Variants in CASK observed in about 807,000 individuals in gnomAD.
CASK encodes peripheral plasma membrane protein CASK.
CASK carries 4 observed loss-of-function variants against 82.9 expected under a neutral mutation model. That is an observed-to-expected ratio of 0.05 (90% CI 0.02 to 0.11). CASK has a LOEUF of 0.11. CASK is among the 10% of genes least tolerant of loss of function. CASK has a pLI of 1.00. For synonymous variants in CASK, 259 were observed against 253.5 expected (o/e 1.02, Z -0.20); for missense variants, 358 against 720.9 (o/e 0.50, Z 5.76).
At chrX:41,785,825 G>A (rs1469273775) in intron 3 of CASK, among the ~76,000 whole-genome samples, 1 of 111,855 alleles carries the variant, frequency 8.9e-6, no homozygotes, top group African/African-American at 3.3e-5. Flanking sequence ...TTGTGTATAG[G>A]CTGGATCTAG....
intron 1 of CASK, among the ~76,000 whole-genome samples, chrX:41,917,717 C>CAAACAACACACCCTA (rs2072717381): frequency 8.9e-6 from 1 of 111,878 alleles, no homozygotes. Context: ...AAGACAACTT[C>CAAACAACACACCCTA]AAACAACACA....
rs148918609 is a variant in CASK, at chrX:41,875,574, G to C, written c.60-22347C>G. On this transcript the variant is annotated intron_variant, in intron 1 of 26. Transcript: ENST00000378163. ...GATGTTAAGAACAATATAAAGGTTG[G>C]GGGTGGGGATTGGTGGAGAGGACTG... Among the ~76,000 whole-genome samples, 759 of 110,955 alleles carry C rather than the reference G, an allele frequency of 6.8e-3. 2 individuals are homozygous for C. Among genetic ancestry groups the C allele is most frequent in the Middle Eastern group, 0.023 (5 of 217 alleles).
chrX:41,867,215 T>C (rs2071607291), intron 1 of CASK, among the ~76,000 whole-genome samples: 1 of 112,103 alleles, frequency 8.9e-6, no homozygotes, highest in Non-Finnish European at 1.9e-5. Flanking sequence ...AAACTAGTTC[T>C]CTGAAGGCAG....
At chrX:41,683,306 T>C (rs1485831664) in intron 5 of CASK, 2 of 111,565 alleles carry the variant, frequency 1.8e-5, no homozygotes, top group African/African-American at 6.5e-5. Flanking sequence ...CTTAAGCAAG[T>C]TGGTGGTACC....
chrX:41,780,567 C>A (rs754580000), intron 3 of CASK, among the ~76,000 whole-genome samples: 1 of 111,947 alleles, frequency 8.9e-6, no homozygotes, highest in African/African-American at 3.2e-5. Context: ...ATCTAAAATT[C>A]TGGTTTTGTG....
intron 1 of CASK, among the ~76,000 whole-genome samples, chrX:41,853,708 C>T (rs771812734): frequency 9.0e-6 from 1 of 111,619 alleles, no homozygotes; most frequent in Admixed American, 9.5e-5. Context: ...ATCTCTTGAA[C>T]CTGTCCTCTT....
intron 9 of CASK, among the ~76,000 whole-genome samples, chrX:41,631,135 C>A (rs2066459473): frequency 9.0e-6 from 1 of 111,458 alleles, no homozygotes; most frequent in Admixed American, 9.6e-5. Context: ...AAAAATGAGA[C>A]TTGTAAGTGT....
At chrX:41,601,112 G>C (rs936430644) in intron 12 of CASK, among the ~76,000 whole-genome samples, 1 of 111,404 alleles carries the variant, frequency 9.0e-6, no homozygotes, top group Non-Finnish European at 1.9e-5. Flanking sequence ...GGGTGAATGG[G>C]AGTCAGTATT....
intron 1 of CASK, among the ~76,000 whole-genome samples, chrX:41,886,700 T>A (rs1220836279): frequency 2.7e-5 from 3 of 111,876 alleles, no homozygotes; most frequent in Non-Finnish European, 5.7e-5. Flanking sequence ...CAAAACATTC[T>A]GGCCAGATGA....
chrX:41,768,266 A>T (rs1456237153), intron 3 of CASK, among the ~76,000 whole-genome samples: 1 of 111,153 alleles, frequency 9.0e-6, no homozygotes. Context: ...AGAATTTATA[A>T]TCATTTTTCC....
At position 41,875,011 on chromosome X, in the gene CASK, T is replaced by C. The variant is rs192979709; in HGVS notation, c.60-21784A>G. Among the ~76,000 whole-genome samples the C allele has an allele frequency of 1.5e-3, 173 of 112,578 alleles. 1 individual carries two copies. Among genetic ancestry groups the C allele is most frequent in the African/African-American group, 5.3e-3 (166 of 31,051 alleles). On this transcript the variant is annotated intron_variant, in intron 1 of 26. Coordinates refer to ENST00000378163, the MANE Select transcript of CASK (RefSeq NM_001367721.1). ...TGATTCAAATACACAATGCTTAATG[T>C]TTATCAATCTTAATAAAACATTACA... is the stretch of plus-strand genomic sequence containing the variant.
At chrX:41,914,062 T>A (rs2072629197) in intron 1 of CASK, among the ~76,000 whole-genome samples, 2 of 112,405 alleles carry the variant, frequency 1.8e-5, no homozygotes, top group African/African-American at 6.5e-5. Flanking sequence ...TGTAACTGAA[T>A]GAATATCATC....
intron 3 of CASK, among the ~76,000 whole-genome samples, chrX:41,770,409 GCTAT>G (rs1255173312): frequency 4.6e-5 from 5 of 109,443 alleles, no homozygotes; most frequent in Non-Finnish European, 9.5e-5. Flanking sequence ...TGGCTGGCTG[GCTAT>G]CTATCTATTT....
chrX:41,592,787 T>G (rs1040556648), intron 12 of CASK, among the ~76,000 whole-genome samples: 2 of 112,002 alleles, frequency 1.8e-5, no homozygotes, highest in Admixed American at 9.5e-5. Flanking sequence ...GTCTAAGCTC[T>G]TAACATATAC....
At chrX:41,889,408 G>A (rs1190555476) in intron 1 of CASK, among the ~76,000 whole-genome samples, 2 of 110,097 alleles carry the variant, frequency 1.8e-5, no homozygotes, top group Non-Finnish European at 3.8e-5. Context: ...TAGTGATGTT[G>A]AGCATTTTTT....
At position 41,827,371 on chromosome X, in the gene CASK, G is replaced by A. The variant is rs188464668; in HGVS notation, c.172+25744C>T. ...TTCTCATGGGTCTAGAAACTGGGAA[G>A]TCCAAGATCAAGGTACCAGCAGATC... On this transcript the variant is annotated intron_variant, in intron 2 of 26. Coordinates refer to ENST00000378163, the MANE Select transcript of CASK (RefSeq NM_001367721.1). 5.2e-3 allele frequency among the ~76,000 whole-genome samples: 577 copies of A among 111,807 alleles called. 4 individuals are homozygous for A. Among genetic ancestry groups the A allele is most frequent in the Middle Eastern group, 0.019 (4 of 216 alleles).
chrX:41,810,149 A>T (rs1172624277), intron 2 of CASK, among the ~76,000 whole-genome samples: 1 of 112,413 alleles, frequency 8.9e-6, no homozygotes, highest in African/African-American at 3.2e-5. Flanking sequence ...AGTGGAACCA[A>T]GTTGGAAAAC....
At chrX:41,586,872 G>A in intron 14 of CASK, 35 bp downstream of exon 14, 1 of 890,212 alleles carries the variant, frequency 1.1e-6, no homozygotes, top group Non-Finnish European at 1.7e-6. Context: ...TTGAAAGTGA[G>A]GTTTCAGTTC....
At chrX:41,642,145 A>G (rs1273272787) in intron 8 of CASK, among the ~76,000 whole-genome samples, 2 of 111,161 alleles carry the variant, frequency 1.8e-5, no homozygotes, top group African/African-American at 6.5e-5. Flanking sequence ...CAGTCTATCA[A>G]TGATGGACAT....
Sources: allele counts gnomAD v4.1 joint callset (sites outside exome capture counted in the v4.1 genomes callset), GRCh38; gene constraint gnomAD v4.1.1; transcripts MANE v1.5; gene names NCBI Gene and HGNC (gene_info 2026-07-23, HGNC 2026-07-21).